DUSP11: variants seen among roughly 807,000 people sequenced by gnomAD.
DUSP11 encodes the protein RNA/RNP complex-1-interacting phosphatase.
A neutral mutation model predicts 41.4 loss-of-function variants in DUSP11; 27 were observed. The ratio of observed to expected loss-of-function variants is 0.65; its 90% confidence interval spans 0.48 to 0.90. The LOEUF (loss-of-function observed/expected upper bound fraction) is 0.90. DUSP11 is among the 40% of genes least tolerant of loss of function. The pLI is 0.00. For synonymous variants in DUSP11, 188 were observed against 159.3 expected (o/e 1.18, Z -1.35); for missense variants, 465 against 461.1 (o/e 1.01, Z -0.08).
chr2:73,771,657 GTTA>G (rs1487732490), intron 4 of DUSP11, among the ~76,000 whole-genome samples: 4 of 94,604 alleles, frequency 4.2e-5, no homozygotes, highest in African/African-American at 1.4e-4. Flanking sequence ...CCATGCCTGG[GTTA>G]TTTTTTTTTT....
chr2:73,779,725 G>A (rs1376189151), intron 1 of DUSP11, 149 bp downstream of exon 1: 9 of 1,185,266 alleles, frequency 7.6e-6, no homozygotes, highest in Non-Finnish European at 9.4e-6. Context: ...AGCTACAGCG[G>A]GTGGCGCAGA....
At chr2:73,762,900 A>C (rs765403792) in intron 8 of DUSP11, 41 bp from the exon 9 acceptor site, 1 of 858,268 alleles carries the variant, frequency 1.2e-6, no homozygotes, top group South Asian at 3.5e-5. Flanking sequence ...TACTAGGATT[A>C]ATACAATAAT....
chr2:73,775,090 G>A (rs1482141569), intron 2 of DUSP11, 46 bp from the exon 3 acceptor site: 5 of 1,548,078 alleles, frequency 3.2e-6, no homozygotes, highest in Non-Finnish European at 3.5e-6. Flanking sequence ...TTAAAATCCT[G>A]TACTACATTA....
At position 73,765,210 on chromosome 2, in the gene DUSP11, G is replaced by A. The variant is rs145307646; in HGVS notation, c.935+1208C>T. Among the ~76,000 whole-genome samples, 877 of 152,220 alleles carry A rather than the reference G, an allele frequency of 5.8e-3. 10 individuals are homozygous for A. Among genetic ancestry groups the A allele is most frequent in the Middle Eastern group, 0.037 (11 of 294 alleles). On this transcript the variant is annotated intron_variant, in intron 8 of 8. Transcript: ENST00000272444. The stretch of plus-strand genomic sequence containing the variant: ...TACCATCCAATAGGCTGGGGGCCTG[G>A]ATACAACAAAAAGGCAGAGGAAAGG...
rs114751345 is a variant in DUSP11, at chr2:73,773,410, G to A, written c.574+390C>T. On this transcript the variant is annotated intron_variant, in intron 4 of 8. Transcript: ENST00000272444. ...TTTCTTGTTTTGCTTCTAGGGGTCC[G>A]TCCCATTCTTAATCTTTGCCCTTTC... is the stretch of plus-strand genomic sequence containing the variant. The A allele has an allele frequency of 1.1e-3, 359 of 319,216 alleles. 3 individuals carry two copies. Among genetic ancestry groups the A allele is most frequent in the African/African-American group, 7.0e-3 (313 of 44,512 alleles). The allele number at this position is 319,216 out of a possible 1,614,324, so 19.8% of individuals were successfully genotyped here. A position where few individuals can be genotyped will look rare whatever the true frequency, so the allele number is the denominator to read the frequency against.
At chr2:73,768,848 T>G in intron 5 of DUSP11, 1 of 178,846 alleles carries the variant, frequency 5.6e-6, no homozygotes, top group Non-Finnish European at 1.1e-5. Flanking sequence ...CCCAGCTACT[T>G]GGGAGGCTGA....
chr2:73,768,995 T>G, intron 5 of DUSP11: 1 of 328,574 alleles, frequency 3.0e-6, no homozygotes, highest in Non-Finnish European at 5.5e-6. Flanking sequence ...GTCCAAGTAT[T>G]TTCAAAGAAA....
At chr2:73,776,394 G>A (rs1002532584) in intron 2 of DUSP11, among the ~76,000 whole-genome samples, 4 of 130,602 alleles carry the variant, frequency 3.1e-5, no homozygotes, top group African/African-American at 1.1e-4. Context: ...CAGCCTGGGC[G>A]ACAAGCGAGA....
intron 2 of DUSP11, 35 bp from the exon 3 acceptor site, chr2:73,775,079 C>T (rs1205172448): frequency 6.3e-7 from 1 of 1,586,020 alleles, no homozygotes; most frequent in Non-Finnish European, 8.6e-7. Flanking sequence ...CAAATATGTG[C>T]TTAAAATCCT....
chr2:73,780,133 GA>G, exon 1 of DUSP11: 1 of 1,552,816 alleles, frequency 6.4e-7, no homozygotes, highest in African/African-American at 1.4e-5. Context: ...CGCCGGTCGT[GA>G]TGGCGTAGCC....
At chr2:73,767,164 C>G in exon 6 of DUSP11, 1 of 1,611,004 alleles carries the variant, frequency 6.2e-7, no homozygotes, top group African/African-American at 1.3e-5. Flanking sequence ...TACTTACATT[C>G]AATTGCATCA....
At chr2:73,774,261 T>C (rs1672638400) in intron 3 of DUSP11, among the ~76,000 whole-genome samples, 1 of 152,228 alleles carries the variant, frequency 6.6e-6, no homozygotes, top group African/African-American at 2.4e-5. Flanking sequence ...AAAGCAGCTA[T>C]GATTTAAGTA....
rs1457237712 is a variant in DUSP11 at position 73,770,254 on chromosome 2, CCT to C, written c.575-931_575-930del. ...ACTCTGCCGGGCATGGTGGCTCACG[CCT>C]GTAATCCCAGCCCTTTGGGAGGCGG... On this transcript the variant is annotated intron_variant, in intron 4 of 8. Coordinates refer to ENST00000272444, the Ensembl canonical transcript of DUSP11. 1.1e-4 allele frequency among the ~76,000 whole-genome samples: 17 copies of C among 151,662 alleles called. No individual in the cohort carries two copies. In the East Asian group the frequency reaches 3.3e-3, roughly 29 times the overall value.
chr2:73,766,592 T>C (rs1672470762), exon 8 of DUSP11: 1 of 1,600,588 alleles, frequency 6.2e-7, no homozygotes, highest in Non-Finnish European at 8.5e-7. Flanking sequence ...GGAATTCCAA[T>C]TCCTTAAAGA....
intron 7 of DUSP11, 104 bp downstream of exon 7, chr2:73,766,724 C>A: frequency 7.3e-7 from 1 of 1,366,940 alleles, no homozygotes; most frequent in Non-Finnish European, 1.0e-6. Context: ...CATCTCCCCC[C>A]AACAAACAAA....
intron 4 of DUSP11, chr2:73,773,504 C>T (rs761018859): frequency 8.6e-5 from 31 of 361,360 alleles, no homozygotes; most frequent in South Asian, 6.4e-4. Context: ...ACTTCTTAAC[C>T]AATATAGAAG....
chr2:73,767,941 T>G (rs1457156067), intron 5 of DUSP11: 1 of 152,234 alleles, frequency 6.6e-6, no homozygotes, highest in African/African-American at 2.4e-5. Flanking sequence ...AAAAATTCAA[T>G]GGTTTTCTAT....
intron 1 of DUSP11, chr2:73,779,660 T>C: frequency 1.4e-6 from 1 of 725,036 alleles, no homozygotes; most frequent in Non-Finnish European, 2.3e-6. Flanking sequence ...GGCCAGAACC[T>C]CCCTTTTACA....
chr2:73,772,546 A>C (rs1390367951), intron 4 of DUSP11, among the ~76,000 whole-genome samples: 1 of 152,220 alleles, frequency 6.6e-6, no homozygotes, highest in East Asian at 1.9e-4. Context: ...TGTATTCATA[A>C]GGACCTCCTA....
Sources: allele counts gnomAD v4.1 joint callset (sites outside exome capture counted in the v4.1 genomes callset), GRCh38; gene constraint gnomAD v4.1.1; transcripts MANE v1.5; gene names NCBI Gene and HGNC (gene_info 2026-07-23, HGNC 2026-07-21).